The following ITIH5 variants were observed in gnomAD, a reference collection of about 807,000 sequenced individuals.
ITIH5 encodes the protein inter-alpha-trypsin inhibitor heavy chain 5, also known as inter-alpha-trypsin inhibitor heavy chain H5.
In ITIH5, 65 loss-of-function variants were observed where a neutral mutation model predicts 77.5. The ratio of observed to expected loss-of-function variants is 0.84; its 90% CI spans 0.69 to 1.03. The LOEUF (loss-of-function observed/expected upper bound fraction) is 1.03. Among genes scored for constraint, ITIH5 ranks in the 50% least tolerant of loss-of-function variants. The pLI is 0.00. For synonymous variants in ITIH5, 525 were observed against 494.3 expected (o/e 1.06, Z -0.82); for missense variants, 1,208 against 1,213.1 (o/e 1.00, Z 0.06).
chr10:7,665,318 C>T (rs1487185264), intron 1 of ITIH5, among the ~76,000 whole-genome samples: 1 of 152,122 alleles, frequency 6.6e-6, no homozygotes, highest in Non-Finnish European at 1.5e-5. Flanking sequence ...TCCACACCCC[C>T]AAAAAAGTTT....
Position 7,559,842 on chromosome 10 carries a change from T to G in ITIH5, c.*3241A>C. 1 of 450,416 alleles carries G rather than the reference T, an allele frequency of 2.2e-6. No homozygotes were observed. The highest frequency in any genetic ancestry group is 1.6e-5 in the South Asian group (1 of 64,160). 27.9% of individuals were successfully genotyped at this position (450,416 alleles called of 1,614,324 possible). A position where few individuals can be genotyped will look rare whatever the true frequency, so the allele number is the denominator to read the frequency against. Reference sequence around the variant, plus strand: ...GAGGAAAAACACCATCTCTCCCATGTCTTTTTTTTGTTTTGTTTTGTTTTT... The same window carrying G: ...GAGGAAAAACACCATCTCTCCCATGGCTTTTTTTTGTTTTGTTTTGTTTTT... On this transcript the variant is annotated 3_prime_UTR_variant, in exon 14 of 14. Transcript: ENST00000397146.
In ITIH5 at chr10:7,561,713, C is replaced by G. The variant is rs1320216669; in HGVS notation, c.*1370G>C. 1 of 152,210 alleles carries G rather than the reference C, an allele frequency of 6.6e-6. No individual in the cohort carries two copies. The highest frequency in any genetic ancestry group is 1.5e-5 in the Non-Finnish European group (1 of 68,034). The allele number at this position is 152,210 out of a possible 1,614,324, so 9.4% of individuals were successfully genotyped here. On this transcript the variant is annotated 3_prime_UTR_variant, in exon 14 of 14. Transcript: ENST00000397146. ...GAAGGCAAACATGATAAAGAATTTT[C>G]TTAACTCAGCTTTTCCTCCCAGTGC...
chr10:7,579,853 G>C lies in ITIH5; in HGVS notation c.1320C>G (p.Asn440Lys), dbSNP rs112770949. 2 of 1,614,200 alleles carry C rather than the reference G, an allele frequency of 1.2e-6. No homozygotes were observed. Among genetic ancestry groups the C allele is most frequent in the African/African-American group, 1.3e-5 (1 of 75,050 alleles). Residue 440 changes from asparagine to lysine, a missense_variant, in exon 9 of 14, where the codon AAC (asparagine) becomes AAG (lysine). Transcript: ENST00000397146. Reference protein sequence around the residue: ...QVCIFTIGIGNDVDFRLLEKL... With the variant: ...QVCIFTIGIGKDVDFRLLEKL... ...TCTCCAGCAGCCTGAAGTCCACGTC[G>C]TTGCCGATGCCAATGGTGAAGATGC...
At chr10:7,601,927 A>G (rs1833023433) in intron 7 of ITIH5, among the ~76,000 whole-genome samples, 2 of 151,972 alleles carry the variant, frequency 1.3e-5, no homozygotes, top group South Asian at 4.2e-4. Flanking sequence ...ATCTCAGCTC[A>G]CTGCAACCTC....
chr10:7,663,331 A>G (rs1034845297), intron 1 of ITIH5, among the ~76,000 whole-genome samples: 4 of 152,270 alleles, frequency 2.6e-5, no homozygotes, highest in Non-Finnish European at 5.9e-5. Flanking sequence ...AGCAGCTAAT[A>G]TTACCTAAGT....
At chr10:7,579,128 G>A (rs73617542) in intron 9 of ITIH5, among the ~76,000 whole-genome samples, 2,254 of 152,324 alleles carry the variant, frequency 0.015, 60 homozygotes, top group African/African-American at 0.052. Context: ...CACTGTGCCA[G>A]TGCTATACAT....
intron 7 of ITIH5, among the ~76,000 whole-genome samples, chr10:7,612,658 GTT>G (rs71383926): frequency 8.1e-4 from 111 of 136,968 alleles, no homozygotes; most frequent in Admixed American, 1.3e-3. Flanking sequence ...AAAAAGCTGT[GTT>G]TTTTTTTTTT....
Position 7,644,599 on chromosome 10 carries a change from CATATCACATATATCACATATATATCACAT to C in ITIH5, c.136-2538_136-2510del, listed in dbSNP as rs1564277681. 3.4e-5 allele frequency among the ~76,000 whole-genome samples: 3 copies of C among 87,370 alleles called. No individual in the cohort carries two copies. In the South Asian group the frequency reaches 1.2e-3, roughly 34 times the overall value. 57.3% of individuals were successfully genotyped at this position (87,370 alleles called of 152,430 possible). On this transcript the variant is annotated intron_variant, in intron 2 of 13. Coordinates refer to ENST00000397146, the MANE Select transcript of ITIH5 (RefSeq NM_030569.7). ...TCACATATATCACATATATATCATACATATCACATATATCACATATATATCACATATATCACATATATATCATATATATC... is the reference window on the plus strand; with the variant it reads ...TCACATATATCACATATATATCATACATATCACATATATATCATATATATC...
At chr10:7,635,039 T>G (rs1407494213) in intron 5 of ITIH5, among the ~76,000 whole-genome samples, 1 of 152,216 alleles carries the variant, frequency 6.6e-6, no homozygotes, top group Non-Finnish European at 1.5e-5. Flanking sequence ...TCTTCCCACC[T>G]TGGCCTCCCA....
chr10:7,587,520 T>C (rs912462957), intron 7 of ITIH5, among the ~76,000 whole-genome samples: 2 of 152,224 alleles, frequency 1.3e-5, no homozygotes, highest in African/African-American at 2.4e-5. Context: ...CGTGGGGCCC[T>C]GGGGCCCTGA....
chr10:7,644,857 G>GTATCACATATA (rs1564278284), intron 2 of ITIH5, among the ~76,000 whole-genome samples: 2 of 71,606 alleles, frequency 2.8e-5, no homozygotes, highest in African/African-American at 6.8e-5. Context: ...TATCACATAT[G>GTATCACATATA]TATCACATAT....
At chr10:7,648,157 T>C (rs575158460) in intron 2 of ITIH5, among the ~76,000 whole-genome samples, 1 of 150,684 alleles carries the variant, frequency 6.6e-6, no homozygotes, top group African/African-American at 2.4e-5. Flanking sequence ...GGCAGGAGAA[T>C]AGCGTGAACC....
chr10:7,594,774 C>T (rs1426269402), intron 7 of ITIH5, among the ~76,000 whole-genome samples: 2 of 152,126 alleles, frequency 1.3e-5, no homozygotes, highest in African/African-American at 4.8e-5. Flanking sequence ...CAACTCCTGG[C>T]TGGGAAGCCA....
At chr10:7,650,912 A>G (rs578238783) in intron 2 of ITIH5, among the ~76,000 whole-genome samples, 1 of 152,194 alleles carries the variant, frequency 6.6e-6, no homozygotes, top group South Asian at 2.1e-4. Flanking sequence ...GTGATGTTTC[A>G]TTATATTTAG....
At chr10:7,649,986 T>TA (rs938723294) in intron 2 of ITIH5, among the ~76,000 whole-genome samples, 110 of 152,258 alleles carry the variant, frequency 7.2e-4, no homozygotes, top group African/African-American at 2.4e-3. Context: ...AAAATAGTGG[T>TA]AAAAAAAATC....
chr10:7,585,837 AAAAC>A, intron 8 of ITIH5, 60 bp downstream of exon 8: 43 of 1,448,270 alleles, frequency 3.0e-5, no homozygotes, highest in Admixed American at 1.8e-4. Flanking sequence ...AAAAAAAAAA[AAAAC>A]CAAAAAAAAA....
At position 7,559,278 on chromosome 10, in the gene ITIH5, G is replaced by A. The variant is rs535134934; in HGVS notation, c.*3805C>T. On this transcript the variant is annotated 3_prime_UTR_variant, in exon 14 of 14. Transcript: ENST00000397146. ...TGCCTACAAACAAGCAGTGCAGTTAGATTCTTCAAGTTTTATTCTCAACAG... is the reference window on the plus strand; with the variant it reads ...TGCCTACAAACAAGCAGTGCAGTTAAATTCTTCAAGTTTTATTCTCAACAG... The A allele has an allele frequency of 6.6e-6, 1 of 152,392 alleles. No homozygotes were observed. Among genetic ancestry groups the A allele is most frequent in the South Asian group, 2.1e-4 (1 of 4,822 alleles). The allele number at this position is 152,392 out of a possible 1,614,324, so 9.4% of individuals were successfully genotyped here. A position where few individuals can be genotyped will look rare whatever the true frequency, so the allele number is the denominator to read the frequency against.
At chr10:7,581,911 T>C (rs570228639) in intron 8 of ITIH5, among the ~76,000 whole-genome samples, 1 of 147,930 alleles carries the variant, frequency 6.8e-6, no homozygotes, top group East Asian at 2.0e-4. Context: ...AGTCATGCTC[T>C]TTCGCCCAAG....
intron 1 of ITIH5, among the ~76,000 whole-genome samples, chr10:7,661,170 C>A (rs2131116288): frequency 6.6e-6 from 1 of 152,166 alleles, no homozygotes; most frequent in East Asian, 1.9e-4. Flanking sequence ...CCATCCCTCC[C>A]ACCCCCATTC....
Sources: allele counts gnomAD v4.1 joint callset (sites outside exome capture counted in the v4.1 genomes callset), GRCh38; gene constraint gnomAD v4.1.1; transcripts MANE v1.5; gene names NCBI Gene and HGNC (gene_info 2026-07-23, HGNC 2026-07-21).